RRP1B: variants seen among roughly 807,000 people sequenced by gnomAD.
RRP1B encodes the protein ribosomal RNA processing 1B.
Under a neutral mutation model 80.2 loss-of-function variants are expected in RRP1B, and 56 were observed. That is an observed-to-expected ratio of 0.70 (90% CI 0.56 to 0.87). The LOEUF is 0.87. Among genes scored for constraint, RRP1B ranks in the 40% least tolerant of loss-of-function variants. The pLI is 0.00. For missense variants in RRP1B, 807 were observed against 939.8 expected (o/e 0.86, Z 1.85); for synonymous variants, 351 against 357.6 (o/e 0.98, Z 0.21).
In RRP1B at chr21:43,673,926, G is replaced by A. The variant is rs1601754585; in HGVS notation, c.328G>A (p.Asp110Asn). ...CATGAATCGAGAATGGAAAGGAATAGACAGGCTACGCCTGGACAAATACTA... is the reference window on the plus strand; with the variant it reads ...CATGAATCGAGAATGGAAAGGAATAAACAGGCTACGCCTGGACAAATACTA... Reference protein sequence around the residue: ...QTMNREWKGIDRLRLDKYYML... With the variant: ...QTMNREWKGINRLRLDKYYML... The change falls in exon 4 of 16, where the codon GAC becomes AAC. Residue 110 changes from aspartate (D) to asparagine (N), a missense_variant. Coordinates refer to ENST00000340648, the MANE Select transcript of RRP1B (RefSeq NM_015056.3). 1 of 1,613,552 alleles carries A rather than the reference G, an allele frequency of 6.2e-7. No homozygotes were observed.
intron 1 of RRP1B, among the ~76,000 whole-genome samples, chr21:43,662,093 T>A (rs561480740): frequency 5.3e-5 from 8 of 152,230 alleles, no homozygotes; most frequent in Non-Finnish European, 1.2e-4. Flanking sequence ...TGGGAGTACA[T>A]GCAACCGTAA....
Position 43,691,351 on chromosome 21 carries a change from T to C in RRP1B, c.2020-88T>C. On this transcript the variant is annotated intron_variant, in intron 14 of 15. Coordinates refer to ENST00000340648, the MANE Select transcript of RRP1B (RefSeq NM_015056.3). This position sits in a 1 kb window ranked among gnomAD's most constrained non-coding sequence, Gnocchi z 4.2. The stretch of plus-strand genomic sequence containing the variant: ...AAGCAGCAGTGTGGGCGGCATACCC[T>C]CCAGGGCAGGTTCTCCAGAAAAATC... 8.0e-7 allele frequency: 1 copy of C among 1,257,176 alleles called. No homozygotes were observed. Among genetic ancestry groups the C allele is most frequent in the South Asian group, 1.2e-5 (1 of 81,338 alleles). The allele number at this position is 1,257,176 out of a possible 1,614,324, so 77.9% of individuals were successfully genotyped here.
At chr21:43,664,253 C>T (rs775241206) in intron 1 of RRP1B, among the ~76,000 whole-genome samples, 6 of 151,198 alleles carry the variant, frequency 4.0e-5, no homozygotes, top group Non-Finnish European at 1.5e-5. Context: ...GGAAAATCAC[C>T]TGAACCCGGG....
Position 43,688,097 on chromosome 21 carries a change from G to T in RRP1B, c.1723G>T (p.Ala575Ser). The T allele has an allele frequency of 6.2e-7, 1 of 1,605,312 alleles. No individual in the cohort carries two copies. The highest frequency in any genetic ancestry group is 8.5e-7 in the Non-Finnish European group (1 of 1,176,432). Residue 575 changes from alanine (A) to serine (S), a missense_variant, in exon 13 of 16, where the codon GCA becomes TCA. Transcript: ENST00000340648. ...PQRRRLQKKK[A>S]GPGSLELCGL... ...GCGCAGGAGGCTGCAGAAAAAGAAG[G>T]CAGGGCCCGGCAGCCTGGAGCTCTG... is the stretch of plus-strand genomic sequence containing the variant.
chr21:43,674,586 C>CTTGGAA, intron 4 of RRP1B, 50 bp from the exon 5 acceptor site: 2 of 392,162 alleles, frequency 5.1e-6, no homozygotes, highest in Non-Finnish European at 7.6e-6. Flanking sequence ...CTTACCTTTC[C>CTTGGAA]TTTTTTTTTT....
chr21:43,681,281 T>C (rs920022045), intron 8 of RRP1B, among the ~76,000 whole-genome samples: 2 of 134,434 alleles, frequency 1.5e-5, no homozygotes, highest in Non-Finnish European at 3.0e-5. Context: ...GATAGATAGA[T>C]AGATAGATAG....
intron 1 of RRP1B, among the ~76,000 whole-genome samples, chr21:43,662,213 G>A (rs1210171941): frequency 6.6e-6 from 1 of 152,214 alleles, no homozygotes; most frequent in African/African-American, 2.4e-5. Flanking sequence ...CCCAGGATTT[G>A]CAAATGCAGA....
intron 13 of RRP1B, among the ~76,000 whole-genome samples, 154 bp downstream of exon 13, chr21:43,688,394 C>A (rs957675313): frequency 3.3e-5 from 5 of 152,236 alleles, no homozygotes; most frequent in African/African-American, 1.2e-4. Context: ...ACAGCCTTCA[C>A]TAAGGAGGAA....
chr21:43,660,072 C>T (rs2082944299), intron 1 of RRP1B, among the ~76,000 whole-genome samples: 2 of 152,242 alleles, frequency 1.3e-5, no homozygotes, highest in African/African-American at 4.8e-5. Context: ...GCCGGCATCT[C>T]GAATCACTGG....
At chr21:43,661,124 A>G (rs1470806899) in intron 1 of RRP1B, among the ~76,000 whole-genome samples, 1 of 152,234 alleles carries the variant, frequency 6.6e-6, no homozygotes, top group Admixed American at 6.5e-5. Flanking sequence ...GAAGTCTGAT[A>G]GAAAAAGGAA....
At position 43,681,300 on chromosome 21, in the gene RRP1B, A is replaced by C. The variant is rs1186653132; in HGVS notation, c.797-1979A>C. Among the ~76,000 whole-genome samples the C allele has an allele frequency of 2.0e-5, 3 of 146,894 alleles. No homozygotes were observed. In the East Asian group the frequency reaches 5.8e-4, roughly 28 times the overall value. On this transcript the variant is annotated intron_variant, in intron 8 of 15. Transcript: ENST00000340648. Reference sequence around the variant, plus strand: ...GATAGATAGATAGATAGATAGATAGATAGAATCAAGAACCTTTTTTTTCTT... The same window carrying C: ...GATAGATAGATAGATAGATAGATAGCTAGAATCAAGAACCTTTTTTTTCTT...
At chr21:43,689,025 C>T (rs984397648) in intron 13 of RRP1B, among the ~76,000 whole-genome samples, 13 of 152,246 alleles carry the variant, frequency 8.5e-5, no homozygotes, top group Admixed American at 1.3e-4. Context: ...GTCCACCTGC[C>T]TCGGCCTCCC....
At position 43,659,992 on chromosome 21, in the gene RRP1B, G is replaced by C. The variant is rs2082943513; in HGVS notation, c.130+198G>C. ...ACACTTAAGGAAACGGGTTGAGGGGGTTCCGTTACTTATGAAAGTCACAGT... is the reference window on the plus strand; with the variant it reads ...ACACTTAAGGAAACGGGTTGAGGGGCTTCCGTTACTTATGAAAGTCACAGT... On this transcript the variant is annotated intron_variant, in intron 1 of 15. Coordinates refer to ENST00000340648, the MANE Select transcript of RRP1B (RefSeq NM_015056.3). The surrounding 1 kb of genome is among the most constrained non-coding windows in gnomAD (Gnocchi z 4.2). Among the ~76,000 whole-genome samples, 1 of 152,242 alleles carries C rather than the reference G, an allele frequency of 6.6e-6. No individual in the cohort carries two copies. The highest frequency in any genetic ancestry group is 1.5e-5 in the Non-Finnish European group (1 of 68,052).
intron 1 of RRP1B, among the ~76,000 whole-genome samples, chr21:43,664,321 C>T (rs940720275): frequency 8.6e-6 from 1 of 115,652 alleles, no homozygotes; most frequent in African/African-American, 3.7e-5. Context: ...GAGTAAAACT[C>T]CGTCTCAAAA....
In RRP1B at chr21:43,659,919, G is replaced by C. The variant is rs938821669; in HGVS notation, c.130+125G>C. 1.8e-6 allele frequency: 2 copies of C among 1,124,096 alleles called. No homozygotes were observed. Among genetic ancestry groups the C allele is most frequent in the Non-Finnish European group, 2.3e-6 (2 of 853,400 alleles). 69.6% of individuals were successfully genotyped at this position (1,124,096 alleles called of 1,614,324 possible). A position where few individuals can be genotyped will look rare whatever the true frequency, so the allele number is the denominator to read the frequency against. On this transcript the variant is annotated intron_variant, in intron 1 of 15. Transcript: ENST00000340648. The surrounding 1 kb of genome is among the most constrained non-coding windows in gnomAD (Gnocchi z 4.2). ...TGTCGTGACACCCAGCGTGTGCTTC[G>C]GTTTCCGCGCTGCCGGAACCGCTTC...
chr21:43,679,387 A>G (rs182850018), intron 8 of RRP1B, among the ~76,000 whole-genome samples: 183 of 150,820 alleles, frequency 1.2e-3, no homozygotes, highest in African/African-American at 3.7e-3. Context: ...TCATGCCTCA[A>G]CCTCCCTAGT....
intron 13 of RRP1B, among the ~76,000 whole-genome samples, chr21:43,689,601 G>A (rs1018316237): frequency 1.3e-5 from 2 of 152,210 alleles, no homozygotes; most frequent in African/African-American, 2.4e-5. Flanking sequence ...TCTTGCTGTC[G>A]TCTCAGGCCC....
chr21:43,685,711 A>G, intron 10 of RRP1B, 59 bp from the exon 11 acceptor site: 2 of 1,264,892 alleles, frequency 1.6e-6, no homozygotes, highest in Admixed American at 5.4e-5. Context: ...GACAGAAGGG[A>G]TTTCTTTATG....
rs1463313264 is a variant in RRP1B at position 43,672,378 on chromosome 21, G to A, written c.271+13G>A. Reference sequence around the variant, plus strand: ...AACTCAGCGGCTCGTAAGTCCTGTTGTTTCTTCTCCTTCCTTCCAAGTTTT... The same window carrying A: ...AACTCAGCGGCTCGTAAGTCCTGTTATTTCTTCTCCTTCCTTCCAAGTTTT... On this transcript the variant is annotated intron_variant, in intron 3 of 15. Transcript: ENST00000340648. The A allele has an allele frequency of 1.2e-6, 2 of 1,610,386 alleles. No individual in the cohort carries two copies. The highest frequency in any genetic ancestry group is 2.7e-5 in the African/African-American group (2 of 74,880).
Sources: allele counts gnomAD v4.1 joint callset (sites outside exome capture counted in the v4.1 genomes callset), GRCh38; gene constraint gnomAD v4.1.1; non-coding constraint Gnocchi (gnomAD v3.1); transcripts MANE v1.5; gene names NCBI Gene and HGNC (gene_info 2026-07-23, HGNC 2026-07-21).